Variants in PTK2 observed in about 807,000 individuals in gnomAD.
The protein encoded by PTK2 is focal adhesion kinase 1.
A neutral mutation model predicts 150.1 loss-of-function variants in PTK2; 45 were observed. The ratio of observed to expected loss-of-function variants is 0.30; its 90% CI spans 0.24 to 0.38. The LOEUF is 0.38. Ranked by LOEUF, PTK2 falls within the 10% of genes least tolerant of loss-of-function variation. PTK2 has a pLI of 1.00. For synonymous variants in PTK2, 432 were observed against 449.2 expected (o/e 0.96, Z 0.48); for missense variants, 919 against 1,307.3 (o/e 0.70, Z 4.58).
exon 11 of PTK2, chr8:140,803,575 T>C: frequency 6.2e-7 from 1 of 1,613,894 alleles, no homozygotes; most frequent in Non-Finnish European, 8.5e-7. Context: ...AGTTGTAGCA[T>C]TCCTTTTCTG....
At position 140,724,449 on chromosome 8, in the gene PTK2, A is replaced by G. The variant is rs115073057; in HGVS notation, c.2031-6740T>C. On this transcript the variant is annotated intron_variant, in intron 22 of 31. Transcript: ENST00000522684. ...AAACATTTCTCCTTTTAAATGTAAT[A>G]AATACTTTTTGCTTTATTAAATATG... Among the ~76,000 whole-genome samples, 684 of 152,342 alleles carry G rather than the reference A, an allele frequency of 4.5e-3. 4 individuals carry two copies. The highest frequency in any genetic ancestry group is 0.016 in the African/African-American group (647 of 41,576).
At chr8:140,669,096 A>G (rs1330483248) in intron 29 of PTK2, 2 of 152,062 alleles carry the variant, frequency 1.3e-5, no homozygotes, top group African/African-American at 4.8e-5. Flanking sequence ...ATAAAGCCTC[A>G]GCTCTCTCAC....
At chr8:140,846,653 A>G (rs374542141) in exon 6 of PTK2, 37 of 1,611,682 alleles carry the variant, frequency 2.3e-5, no homozygotes, top group Non-Finnish European at 3.1e-5. Context: ...TTGATCAGCT[A>G]TCTCTAACAT....
intron 31 of PTK2, among the ~76,000 whole-genome samples, chr8:140,664,255 T>C (rs1167425010): frequency 6.6e-6 from 1 of 152,218 alleles, no homozygotes; most frequent in Non-Finnish European, 1.5e-5. Context: ...GTGCTCAGAT[T>C]ACAGGCGTGA....
chr8:140,839,674 T>G (rs1393357812), intron 7 of PTK2, among the ~76,000 whole-genome samples: 1 of 150,908 alleles, frequency 6.6e-6, no homozygotes, highest in South Asian at 2.1e-4. Flanking sequence ...CAAAGAAATA[T>G]CTCCCCCAAA....
At chr8:140,675,856 T>C (rs1039356256) in intron 27 of PTK2, 1 of 173,596 alleles carries the variant, frequency 5.8e-6, no homozygotes, top group African/African-American at 2.4e-5. Flanking sequence ...GAACTACTTA[T>C]CAAAGAACTC....
rs777279111 is a variant in PTK2 at position 140,955,246 on chromosome 8, G to C, written c.-121-29497C>G. Among the ~76,000 whole-genome samples the C allele has an allele frequency of 1.9e-4, 29 of 152,210 alleles. 1 individual carries two copies. The highest frequency in any genetic ancestry group is 4.3e-4 in the Non-Finnish European group (29 of 68,034). ...ATGTGTTGTGGGAGGGACCTGCTGG[G>C]AGGTAACTGAATCATGGGGGCAGGT... On this transcript the variant is annotated intron_variant, in intron 1 of 31. Transcript: ENST00000522684.
Position 140,720,536 on chromosome 8 carries a change from C to T in PTK2, c.2031-2827G>A, listed in dbSNP as rs565856451. On this transcript the variant is annotated intron_variant, in intron 22 of 31. Coordinates refer to ENST00000522684, the Ensembl canonical transcript of PTK2. ...GTTAGATGACCATGGACAACTCTGT[C>T]CCTCCAAGCCTCATCCACAAAATGG... Among the ~76,000 whole-genome samples the T allele has an allele frequency of 5.9e-5, 9 of 152,252 alleles. No individual in the cohort carries two copies. In the East Asian group the frequency reaches 1.2e-3, roughly 20 times the overall value.
intron 11 of PTK2, among the ~76,000 whole-genome samples, chr8:140,802,289 T>G (rs1218158871): frequency 6.6e-6 from 1 of 152,052 alleles, no homozygotes; most frequent in Non-Finnish European, 1.5e-5. Context: ...TATGTTTGTG[T>G]CTTACTTTTT....
chr8:140,951,437 A>T (rs571700087), intron 1 of PTK2, among the ~76,000 whole-genome samples: 25 of 152,342 alleles, frequency 1.6e-4, no homozygotes, highest in African/African-American at 5.1e-4. Context: ...TGGAAGCCAG[A>T]CTTACACATA....
intron 1 of PTK2, among the ~76,000 whole-genome samples, chr8:140,945,599 AAAC>A (rs1200766069): frequency 2.6e-5 from 4 of 151,858 alleles, no homozygotes; most frequent in African/African-American, 9.7e-5. Context: ...TCTCAAAAAA[AAAC>A]AAAACAAAAA....
At chr8:140,738,555 C>T (rs2100053875) in intron 21 of PTK2, among the ~76,000 whole-genome samples, 1 of 152,022 alleles carries the variant, frequency 6.6e-6, no homozygotes, top group Non-Finnish European at 1.5e-5. Flanking sequence ...ATCAAACTTC[C>T]AAGTCTTGAG....
At chr8:140,782,348 G>C (rs754460403) in intron 14 of PTK2, among the ~76,000 whole-genome samples, 25 of 151,032 alleles carry the variant, frequency 1.7e-4, no homozygotes, top group Non-Finnish European at 2.9e-4. Flanking sequence ...AGGGTCAAGA[G>C]ATCCTCCTAC....
chr8:140,906,532 G>A (rs2100160933), intron 2 of PTK2, among the ~76,000 whole-genome samples: 1 of 152,090 alleles, frequency 6.6e-6, no homozygotes, highest in African/African-American at 2.4e-5. Context: ...GGAACCAGAG[G>A]TCATTACCTT....
intron 25 of PTK2, among the ~76,000 whole-genome samples, chr8:140,701,587 G>A (rs1435545837): frequency 1.3e-5 from 2 of 152,094 alleles, no homozygotes; most frequent in African/African-American, 4.8e-5. Flanking sequence ...TTAAACTATA[G>A]GAGTAGTTCT....
chr8:140,927,359 T>C (rs1251542160), intron 1 of PTK2: 1 of 152,204 alleles, frequency 6.6e-6, no homozygotes, highest in Non-Finnish European at 1.5e-5. Context: ...ATTTAACAAA[T>C]AGCAACAGTG....
intron 5 of PTK2, among the ~76,000 whole-genome samples, chr8:140,852,178 G>A (rs989569389): frequency 2.6e-5 from 4 of 152,184 alleles, no homozygotes; most frequent in African/African-American, 9.7e-5. Context: ...CTACTGTGTG[G>A]TGGATACAAC....
chr8:140,695,058 C>T (rs1300799738), intron 26 of PTK2, among the ~76,000 whole-genome samples: 9 of 152,244 alleles, frequency 5.9e-5, no homozygotes, highest in Non-Finnish European at 1.3e-4. Context: ...TATCCAGCTG[C>T]CTCCTCTGCA....
intron 10 of PTK2, among the ~76,000 whole-genome samples, chr8:140,811,209 T>C (rs2100101349): frequency 6.6e-6 from 1 of 152,178 alleles, no homozygotes; most frequent in African/African-American, 2.4e-5. Context: ...ACAAGTGCAG[T>C]GGATTCCTAA....
Sources: gnomAD v4.1 joint callset for allele counts (sites outside exome capture counted in the v4.1 genomes callset) on GRCh38, gnomAD v4.1.1 for gene constraint, MANE v1.5 for transcripts, NCBI Gene and HGNC (gene_info 2026-07-23, HGNC 2026-07-21) for gene names.